MACROD2: variants seen among roughly 807,000 people sequenced by gnomAD.
MACROD2 encodes ADP-ribose glycohydrolase MACROD2.
In MACROD2, 36 loss-of-function variants were observed where a neutral mutation model predicts 70.4. The ratio of observed to expected loss-of-function variants is 0.51; its 90% CI spans 0.39 to 0.68. The LOEUF (loss-of-function observed/expected upper bound fraction) is 0.68. Ranked by LOEUF, MACROD2 falls within the 30% of genes least tolerant of loss-of-function variation. The probability of loss-of-function intolerance (pLI) is 0.00; values close to 1 mark genes in which losing one functional copy is unlikely to be tolerated. For missense variants in MACROD2, 496 were observed against 538.4 expected (o/e 0.92, Z 0.78); for synonymous variants, 172 against 178.8 (o/e 0.96, Z 0.30).
At chr20:15,318,546 T>G (rs571766029) in intron 6 of MACROD2, among the ~76,000 whole-genome samples, 23 of 152,086 alleles carry the variant, frequency 1.5e-4, no homozygotes. Context: ...CCAAAATCCC[T>G]TATGATTATA....
chr20:14,861,625 A>G (rs1242322084), intron 5 of MACROD2, among the ~76,000 whole-genome samples: 3 of 151,888 alleles, frequency 2.0e-5, no homozygotes, highest in Non-Finnish European at 4.4e-5. Context: ...GTGAATAACC[A>G]GCACAGAGCT....
chr20:14,650,972 A>G (rs1600499677), intron 4 of MACROD2, among the ~76,000 whole-genome samples: 1 of 152,218 alleles, frequency 6.6e-6, no homozygotes, highest in African/African-American at 2.4e-5. Context: ...TGTGGAAACA[A>G]TAGATCAATG....
At chr20:14,063,861 G>A (rs907459519) in intron 2 of MACROD2, among the ~76,000 whole-genome samples, 1 of 152,082 alleles carries the variant, frequency 6.6e-6, no homozygotes, top group African/African-American at 2.4e-5. Context: ...CTGAGTAGCT[G>A]AAACTAAGTT....
chr20:15,101,111 T>C (rs2075868754), intron 5 of MACROD2, among the ~76,000 whole-genome samples: 1 of 152,170 alleles, frequency 6.6e-6, no homozygotes, highest in Non-Finnish European at 1.5e-5. Context: ...CTGATAGTAA[T>C]CTTTCATGTG....
intron 3 of MACROD2, among the ~76,000 whole-genome samples, chr20:14,095,146 G>A (rs1182762678): frequency 6.6e-6 from 1 of 152,026 alleles, no homozygotes; most frequent in East Asian, 1.9e-4. Flanking sequence ...ATACACTTCT[G>A]CTAGCATAGC....
intron 5 of MACROD2, among the ~76,000 whole-genome samples, chr20:15,136,602 A>C (rs1427174321): frequency 6.6e-6 from 1 of 152,158 alleles, no homozygotes; most frequent in Non-Finnish European, 1.5e-5. Context: ...CTAAAACCAT[A>C]AAAACCCTGG....
rs1041494685 is a variant in MACROD2, at chr20:15,267,282, C to G, written c.540+37221C>G. ...TCACCAGCGCTTACCTCCCTACCCC[C>G]AGGGAAGGGTCCCCCAGAGGTCTCT... On this transcript the variant is annotated intron_variant, in intron 6 of 17. Transcript: ENST00000684519. Among the ~76,000 whole-genome samples the G allele has an allele frequency of 4.6e-5, 7 of 152,170 alleles. No individual in the cohort carries two copies. The East Asian group carries it at 1.3e-3, about 29-fold the overall frequency.
rs952054635 is a variant in MACROD2, at chr20:14,275,725, C to T, written c.271+189997C>T. ...CAGAATGGGAGAAAATTTTCACAAC[C>T]TACTCATCTGACAAAGGGCTAATAT... On this transcript the variant is annotated intron_variant, in intron 3 of 17. Transcript: ENST00000684519. Among the ~76,000 whole-genome samples the T allele has an allele frequency of 3.3e-5, 5 of 152,248 alleles. No homozygotes were observed. In the East Asian group the frequency reaches 5.8e-4, roughly 18 times the overall value.
intron 5 of MACROD2, among the ~76,000 whole-genome samples, chr20:15,131,167 C>T (rs1332777529): frequency 6.6e-6 from 1 of 151,996 alleles, no homozygotes; most frequent in Non-Finnish European, 1.5e-5. Context: ...TTAACCTGCC[C>T]AAGTTTATCA....
intron 5 of MACROD2, among the ~76,000 whole-genome samples, chr20:14,890,545 A>C (rs1453146191): frequency 6.6e-6 from 1 of 152,010 alleles, no homozygotes; most frequent in Non-Finnish European, 1.5e-5. Context: ...AGATAGGAGA[A>C]TCTCTTGAGG....
intron 4 of MACROD2, among the ~76,000 whole-genome samples, chr20:14,606,317 A>C (rs904400511): frequency 6.6e-6 from 1 of 152,086 alleles, no homozygotes; most frequent in Non-Finnish European, 1.5e-5. Flanking sequence ...AGGGTTTTTT[A>C]ATGTCTAAAA....
intron 15 of MACROD2, among the ~76,000 whole-genome samples, chr20:16,005,357 G>C (rs751873230): frequency 6.6e-6 from 1 of 152,190 alleles, no homozygotes; most frequent in South Asian, 2.1e-4. Context: ...AGGAGAAGCT[G>C]AACAGGGCCT....
intron 8 of MACROD2, among the ~76,000 whole-genome samples, chr20:15,688,773 A>G (rs766722692): frequency 4.6e-5 from 7 of 152,244 alleles, no homozygotes; most frequent in Non-Finnish European, 8.8e-5. Context: ...TGCCATATGA[A>G]TGTGAAGAGG....
chr20:15,662,185 T>G (rs1320389308), intron 8 of MACROD2, among the ~76,000 whole-genome samples: 1 of 152,218 alleles, frequency 6.6e-6, no homozygotes, highest in Non-Finnish European at 1.5e-5. Flanking sequence ...CTGTTTATTA[T>G]TTTTCAGAGT....
At chr20:15,530,870 T>C (rs1366789296) in intron 8 of MACROD2, among the ~76,000 whole-genome samples, 1 of 152,186 alleles carries the variant, frequency 6.6e-6, no homozygotes, top group Non-Finnish European at 1.5e-5. Flanking sequence ...TGTATATTTA[T>C]TGAAGAAAAT....
At chr20:15,906,922 G>C (rs796581504) in intron 10 of MACROD2, among the ~76,000 whole-genome samples, 5 of 152,296 alleles carry the variant, frequency 3.3e-5, no homozygotes, top group African/African-American at 1.2e-4. Flanking sequence ...TGATTAAGGT[G>C]GTGTCTCAGA....
At chr20:14,596,233 GCGCC>G (rs1050059642) in intron 4 of MACROD2, among the ~76,000 whole-genome samples, 3 of 151,116 alleles carry the variant, frequency 2.0e-5, no homozygotes, top group Non-Finnish European at 4.4e-5. Flanking sequence ...CTACATACAG[GCGCC>G]CGCCACCAAG....
intron 5 of MACROD2, among the ~76,000 whole-genome samples, chr20:14,862,009 A>ATATATT (rs1222322526): frequency 9.0e-4 from 17 of 18,818 alleles, no homozygotes; most frequent in African/African-American, 3.2e-3. Flanking sequence ...ATATATTTAT[A>ATATATT]TATATATATT....
chr20:14,955,673 T>C (rs1306427508), intron 5 of MACROD2, among the ~76,000 whole-genome samples: 6 of 152,108 alleles, frequency 3.9e-5, no homozygotes, highest in Non-Finnish European at 5.9e-5. Flanking sequence ...CTTTTTGTCT[T>C]GTAGTTTCTA....
Sources: allele counts gnomAD v4.1 joint callset (sites outside exome capture counted in the v4.1 genomes callset), GRCh38; gene constraint gnomAD v4.1.1; transcripts MANE v1.5; gene names NCBI Gene and HGNC (gene_info 2026-07-23, HGNC 2026-07-21).